KIAA1328: variants seen among roughly 807,000 people sequenced by gnomAD.
The protein encoded by KIAA1328 is protein hinderin.
KIAA1328 carries 52 observed loss-of-function variants against 68.1 expected under a neutral mutation model. The ratio of observed to expected loss-of-function variants is 0.76; its 90% CI spans 0.61 to 0.96. The LOEUF (loss-of-function observed/expected upper bound fraction) is 0.96. Among genes scored for constraint, KIAA1328 ranks in the 40% least tolerant of loss-of-function variants. The probability of loss-of-function intolerance (pLI) is 0.00; values close to 1 mark genes in which losing one functional copy is unlikely to be tolerated. For missense variants in KIAA1328, 641 were observed against 677.6 expected, an observed-to-expected ratio of 0.95 and a Z score of 0.60; for synonymous variants, 232 against 239.4, an observed-to-expected ratio of 0.97 and a Z score of 0.28.
At chr18:37,098,542 T>G (rs903291620) in intron 7 of KIAA1328, among the ~76,000 whole-genome samples, 1 of 152,164 alleles carries the variant, frequency 6.6e-6, no homozygotes, top group East Asian at 1.9e-4. Context: ...TCTCTTTTTT[T>G]GTTGTGTCTC....
chr18:37,201,974 C>T (rs2060123257), intron 9 of KIAA1328, among the ~76,000 whole-genome samples: 1 of 152,164 alleles, frequency 6.6e-6, no homozygotes, highest in East Asian at 1.9e-4. Context: ...TGATATTCGT[C>T]AACGCCTTGG....
intron 9 of KIAA1328, among the ~76,000 whole-genome samples, chr18:37,190,272 A>G (rs941419300): frequency 6.6e-6 from 1 of 152,226 alleles, no homozygotes; most frequent in African/African-American, 2.4e-5. Context: ...GGAATGCTAC[A>G]AAATATGAAT....
chr18:37,084,043 G>A, intron 7 of KIAA1328: 1 of 643,198 alleles, frequency 1.6e-6, no homozygotes, highest in East Asian at 3.4e-5. Flanking sequence ...GGATCTAGCT[G>A]AAAGAGCATG....
At chr18:37,149,200 G>C (rs1388790956) in intron 7 of KIAA1328, among the ~76,000 whole-genome samples, 1 of 152,058 alleles carries the variant, frequency 6.6e-6, no homozygotes, top group African/African-American at 2.4e-5. Context: ...GCATGGTACT[G>C]GTACAAAGAC....
chr18:37,031,086 T>C lies in KIAA1328; in HGVS notation c.577-35804T>C, dbSNP rs192739529. Among the ~76,000 whole-genome samples, 1,126 of 152,354 alleles carry C rather than the reference T, an allele frequency of 7.4e-3. 13 individuals carry two copies. The highest frequency in any genetic ancestry group is 0.01 in the Non-Finnish European group (709 of 68,034). The stretch of plus-strand genomic sequence containing the variant: ...TTTTCTTAATCCAGTCTATCATTGA[T>C]GGACATTTTGGTTGGTTCCAAGTCT... On this transcript the variant is annotated intron_variant, in intron 6 of 9. Transcript: ENST00000280020.
intron 7 of KIAA1328, among the ~76,000 whole-genome samples, chr18:37,145,146 A>C (rs757960579): frequency 1.1e-4 from 16 of 152,118 alleles, no homozygotes; most frequent in Non-Finnish European, 1.8e-4. Context: ...TGGAGGTTGC[A>C]GTGAGCCATG....
intron 6 of KIAA1328, among the ~76,000 whole-genome samples, chr18:37,050,970 C>T (rs755454984): frequency 3.4e-4 from 51 of 152,232 alleles, no homozygotes; most frequent in Non-Finnish European, 6.6e-4. Context: ...TCAAACCCAA[C>T]CCTCTCTTTT....
intron 5 of KIAA1328, among the ~76,000 whole-genome samples, chr18:36,946,925 T>TA (rs1483134062): frequency 2.6e-5 from 4 of 152,070 alleles, no homozygotes; most frequent in Admixed American, 6.5e-5. Flanking sequence ...GAAGATGAAA[T>TA]ACTGTATATG....
intron 9 of KIAA1328, among the ~76,000 whole-genome samples, chr18:37,190,551 C>T (rs529394877): frequency 6.6e-6 from 1 of 152,116 alleles, no homozygotes; most frequent in Non-Finnish European, 1.5e-5. Flanking sequence ...TTGTCAGTTT[C>T]CAGAAGCACG....
chr18:37,029,558 G>T (rs1015051548), intron 6 of KIAA1328, among the ~76,000 whole-genome samples: 1 of 152,112 alleles, frequency 6.6e-6, no homozygotes, highest in South Asian at 2.1e-4. Flanking sequence ...TAGAGACAGG[G>T]TTTCACCGTG....
intron 7 of KIAA1328, among the ~76,000 whole-genome samples, chr18:37,116,174 T>C (rs2058100050): frequency 6.6e-6 from 1 of 152,136 alleles, no homozygotes; most frequent in Non-Finnish European, 1.5e-5. Flanking sequence ...AAAGTTCATA[T>C]GGAACCAAAA....
chr18:37,164,390 T>C (rs1014312715), intron 8 of KIAA1328, among the ~76,000 whole-genome samples: 1 of 152,244 alleles, frequency 6.6e-6, no homozygotes, highest in Admixed American at 6.5e-5. Context: ...TGTTTGTCTC[T>C]TCAGAGTTCT....
intron 9 of KIAA1328, chr18:37,193,667 A>G (rs939564616): frequency 7.1e-6 from 5 of 702,398 alleles, no homozygotes; most frequent in African/African-American, 7.0e-5. Flanking sequence ...ATGCTAGGCT[A>G]CACGGATTAT....
intron 6 of KIAA1328, among the ~76,000 whole-genome samples, chr18:37,060,065 G>A (rs2056087451): frequency 6.6e-6 from 1 of 151,870 alleles, no homozygotes; most frequent in Non-Finnish European, 1.5e-5. Context: ...GTAGATGATG[G>A]GTTGATGGGT....
At chr18:36,893,998 A>G (rs1049556872) in intron 5 of KIAA1328, among the ~76,000 whole-genome samples, 1 of 152,144 alleles carries the variant, frequency 6.6e-6, no homozygotes, top group African/African-American at 2.4e-5. Context: ...GAGCACTTTC[A>G]CTTACGCATT....
intron 7 of KIAA1328, among the ~76,000 whole-genome samples, chr18:37,154,266 A>G (rs916331206): frequency 1.1e-4 from 17 of 152,186 alleles, no homozygotes; most frequent in Middle Eastern, 3.2e-3. Flanking sequence ...CATCGCTCTT[A>G]TTAAAAATTC....
intron 9 of KIAA1328, among the ~76,000 whole-genome samples, chr18:37,214,765 A>G (rs987628366): frequency 6.6e-6 from 1 of 152,054 alleles, no homozygotes; most frequent in Non-Finnish European, 1.5e-5. Context: ...CACAATATTG[A>G]TTCTTCCTAT....
chr18:36,866,835 A>C (rs929323596), intron 4 of KIAA1328, among the ~76,000 whole-genome samples: 7 of 152,182 alleles, frequency 4.6e-5, no homozygotes, highest in Non-Finnish European at 8.8e-5. Context: ...GTGGGAGAAA[A>C]ATGTCAGAAG....
Position 37,222,404 on chromosome 18 carries a change from G to C in KIAA1328, c.*177G>C. On this transcript the variant is annotated 3_prime_UTR_variant, in exon 10 of 10. Transcript: ENST00000280020. ...TAACAACCCAGGTTATTTTCAATCA[G>C]ACCAGGCATTCGATAACACACTAAG... is the stretch of plus-strand genomic sequence containing the variant. 2 of 1,435,268 alleles carry C rather than the reference G, an allele frequency of 1.4e-6. No homozygotes were observed. The highest frequency in any genetic ancestry group is 1.8e-6 in the Non-Finnish European group (2 of 1,101,496). 88.9% of individuals were successfully genotyped at this position (1,435,268 alleles called of 1,614,324 possible).
Sources: allele counts gnomAD v4.1 joint callset (sites outside exome capture counted in the v4.1 genomes callset), GRCh38; gene constraint gnomAD v4.1.1; transcripts MANE v1.5; gene names NCBI Gene and HGNC (gene_info 2026-07-23, HGNC 2026-07-21).